The following BUB1B variants were observed in gnomAD, a reference collection of about 807,000 sequenced individuals.
BUB1B encodes BUB1 mitotic checkpoint serine/threonine kinase B, also known as mitotic checkpoint serine/threonine-protein kinase BUB1 beta.
Under a neutral mutation model 137.7 loss-of-function variants are expected in BUB1B, and 86 were observed. The ratio of observed to expected loss-of-function variants is 0.62; its 90% confidence interval spans 0.52 to 0.75. The LOEUF is 0.75. Among genes scored for constraint, BUB1B ranks in the 30% least tolerant of loss-of-function variants. BUB1B has a pLI of 0.00. For synonymous variants in BUB1B, 420 were observed against 417.9 expected (o/e 1.00, Z -0.06); for missense variants, 1,130 against 1,236.9 (o/e 0.91, Z 1.30).
Position 40,220,861 on chromosome 15 carries a change from T to G in BUB1B, c.*102T>G. 8.2e-7 allele frequency: 1 copy of G among 1,224,246 alleles called. No individual in the cohort carries two copies. The highest frequency in any genetic ancestry group is 1.2e-6 in the Non-Finnish European group (1 of 834,088). The allele number at this position is 1,224,246 out of a possible 1,614,324, so 75.8% of individuals were successfully genotyped here. On this transcript the variant is annotated 3_prime_UTR_variant, in exon 23 of 23. Coordinates refer to ENST00000287598, the MANE Select transcript of BUB1B (RefSeq NM_001211.6). ...TAATTTAATTTAGGACACATTTAGA[T>G]GCACTACCATTGCTGTTCTACTTTT...
chr15:40,209,709 T>G lies in BUB1B; in HGVS notation c.2218T>G (p.Ser740Ala), dbSNP rs775317745. Residue 740 changes from serine (S) to alanine (A), a missense_variant, in exon 17 of 23, where the codon TCT becomes GCT. By Grantham distance (99) the Ser-to-Ala change is moderately conservative (BLOSUM62 1). Coordinates refer to ENST00000287598, the MANE Select transcript of BUB1B (RefSeq NM_001211.6). ...GAAGTCCCTACCAGAGTTAAGTGCCTCTGCAGAGTTGTGTATAGAAGACAG... is the reference window on the plus strand; with the variant it reads ...GAAGTCCCTACCAGAGTTAAGTGCCGCTGCAGAGTTGTGTATAGAAGACAG... ...LLKSLPELSA[S>A]AELCIEDRPM... 6.2e-7 allele frequency: 1 copy of G among 1,614,062 alleles called. No homozygotes were observed. The highest frequency in any genetic ancestry group is 8.5e-7 in the Non-Finnish European group (1 of 1,180,028).
chr15:40,164,250 A>G (rs1257580553), intron 1 of BUB1B, among the ~76,000 whole-genome samples: 1 of 151,744 alleles, frequency 6.6e-6, no homozygotes, highest in Non-Finnish European at 1.5e-5. Flanking sequence ...TTTTTTTGAG[A>G]CAGGGTCTTG....
chr15:40,175,631 T>C (rs1344946681), intron 4 of BUB1B, among the ~76,000 whole-genome samples: 2 of 152,184 alleles, frequency 1.3e-5, no homozygotes, highest in African/African-American at 4.8e-5. Context: ...TTATCTACAT[T>C]GTATATGGTC....
At chr15:40,183,596 A>G in intron 5 of BUB1B, 118 bp from the exon 6 acceptor site, 1 of 874,960 alleles carries the variant, frequency 1.1e-6, no homozygotes, top group Non-Finnish European at 1.9e-6. Flanking sequence ...TCTTTGGGAT[A>G]TTTCTGCATT....
At chr15:40,164,948 C>CA in intron 1 of BUB1B, 105 bp from the exon 2 acceptor site, 1 of 1,416,818 alleles carries the variant, frequency 7.1e-7, no homozygotes, top group Non-Finnish European at 9.8e-7. Context: ...CCACTATATT[C>CA]AACCCAAGAC....
chr15:40,208,983 A>ATT (rs1327456046), intron 16 of BUB1B, among the ~76,000 whole-genome samples: 1 of 151,974 alleles, frequency 6.6e-6, no homozygotes, highest in Admixed American at 6.5e-5. Context: ...CAATTTTTGT[A>ATT]TTTTTTGTAG....
chr15:40,213,322 C>T lies in BUB1B; in HGVS notation c.2536-10C>T. The T allele has an allele frequency of 6.2e-7, 1 of 1,613,532 alleles. No individual in the cohort carries two copies. The highest frequency in any genetic ancestry group is 8.5e-7 in the Non-Finnish European group (1 of 1,179,832). On this transcript the variant is annotated splice_polypyrimidine_tract_variant and intron_variant, in intron 19 of 22. Coordinates refer to ENST00000287598, the MANE Select transcript of BUB1B (RefSeq NM_001211.6). ...GAGAAATAGTGAGTTTTCTGTCCTTCAATTTCCAGGATCTTCTCCAACACA... is the reference window on the plus strand; with the variant it reads ...GAGAAATAGTGAGTTTTCTGTCCTTTAATTTCCAGGATCTTCTCCAACACA...
chr15:40,192,493 C>T (rs1420091265), intron 8 of BUB1B, among the ~76,000 whole-genome samples: 10 of 152,186 alleles, frequency 6.6e-5, no homozygotes, highest in Admixed American at 3.9e-4. Context: ...TCCATCATTA[C>T]GGTGTCATTC....
At chr15:40,189,575 T>C (rs1475821698) in intron 8 of BUB1B, among the ~76,000 whole-genome samples, 1 of 152,382 alleles carries the variant, frequency 6.6e-6, no homozygotes, top group East Asian at 1.9e-4. Flanking sequence ...AGTATTCCGT[T>C]GTGTGGCTTC....
At chr15:40,189,414 C>T (rs2037409850) in intron 8 of BUB1B, among the ~76,000 whole-genome samples, 1 of 152,240 alleles carries the variant, frequency 6.6e-6, no homozygotes, top group African/African-American at 2.4e-5. Context: ...CCCACCTCGG[C>T]TTCCCAGACC....
At chr15:40,173,919 C>T (rs1000612700) in intron 4 of BUB1B, 3 of 419,206 alleles carry the variant, frequency 7.2e-6, no homozygotes, top group Non-Finnish European at 1.4e-5. Flanking sequence ...TTATGTGACT[C>T]CTACAGTCTA....
At chr15:40,192,686 A>AATT (rs1212450718) in intron 8 of BUB1B, among the ~76,000 whole-genome samples, 1 of 152,208 alleles carries the variant, frequency 6.6e-6, no homozygotes, top group Non-Finnish European at 1.5e-5. Flanking sequence ...TCCACTTAAC[A>AATT]ATAAGGTTCC....
intron 9 of BUB1B, among the ~76,000 whole-genome samples, 181 bp from the exon 10 acceptor site, chr15:40,199,434 A>AT (rs1003211750): frequency 6.6e-6 from 1 of 152,136 alleles, no homozygotes; most frequent in African/African-American, 2.4e-5. Flanking sequence ...AAGGTATTCT[A>AT]TTTTTTTATT....
intron 7 of BUB1B, 59 bp downstream of exon 7, chr15:40,185,438 G>C (rs2037348621): frequency 1.3e-6 from 2 of 1,599,020 alleles, no homozygotes; most frequent in Non-Finnish European, 1.7e-6. Context: ...ATTTAGGGTA[G>C]AGAAGTATTT....
intron 1 of BUB1B, among the ~76,000 whole-genome samples, chr15:40,163,481 GC>G (rs1265164307): frequency 6.6e-6 from 1 of 152,182 alleles, no homozygotes; most frequent in Non-Finnish European, 1.5e-5. Context: ...TTATGAAAGT[GC>G]CCAGCATGCC....
intron 6 of BUB1B, among the ~76,000 whole-genome samples, chr15:40,184,438 A>G (rs559667331): frequency 5.0e-4 from 76 of 152,070 alleles, no homozygotes; most frequent in Non-Finnish European, 8.4e-4. Context: ...CCAAGTAGCT[A>G]GGATTATAGG....
rs12898804 is a variant in BUB1B, at chr15:40,202,759, A to C, written c.1734+65A>C. 699,242 of 1,366,128 alleles carry C rather than the reference A, an allele frequency of 0.51. 187,254 individuals carry two copies. Among genetic ancestry groups the C allele is most frequent in the Non-Finnish European group, 0.56 (532,810 of 954,464 alleles). 84.6% of individuals were successfully genotyped at this position (1,366,128 alleles called of 1,614,324 possible). On this transcript the variant is annotated intron_variant, in intron 14 of 22. Coordinates refer to ENST00000287598, the MANE Select transcript of BUB1B (RefSeq NM_001211.6). ...TGGATTGTTTATTCAAAACCACAAAAGCTTAAGGTTAAAATTGAAACCACT... is the reference window on the plus strand; with the variant it reads ...TGGATTGTTTATTCAAAACCACAAACGCTTAAGGTTAAAATTGAAACCACT...
intron 12 of BUB1B, among the ~76,000 whole-genome samples, chr15:40,201,901 C>T (rs1345951907): frequency 6.6e-6 from 1 of 152,050 alleles, no homozygotes; most frequent in Non-Finnish European, 1.5e-5. Context: ...GATCTCCTGA[C>T]CTCGTGATCC....
chr15:40,177,671 C>A (rs12916805), intron 5 of BUB1B, among the ~76,000 whole-genome samples: 68,730 of 151,808 alleles, frequency 0.45, 16,812 homozygotes, highest in Non-Finnish European at 0.56. Context: ...AGTCCTCTAA[C>A]TTTATTCTTA....
Sources: allele counts gnomAD v4.1 joint callset (sites outside exome capture counted in the v4.1 genomes callset), GRCh38; gene constraint gnomAD v4.1.1; transcripts MANE v1.5; gene names NCBI Gene and HGNC (gene_info 2026-07-23, HGNC 2026-07-21).